Variants in SCN8A observed in about 807,000 individuals in gnomAD.
SCN8A encodes the protein sodium channel protein type 8 subunit alpha.
SCN8A carries 30 observed loss-of-function variants against 184.1 expected under a neutral mutation model. That is an observed-to-expected ratio of 0.16 (90% confidence interval 0.12 to 0.22). The LOEUF is 0.22. SCN8A is among the 10% of genes least tolerant of loss of function. The probability of loss-of-function intolerance (pLI) is 1.00; values close to 1 mark genes in which losing one functional copy is unlikely to be tolerated. For missense variants in SCN8A, 1,057 were observed against 2,498.9 expected, an observed-to-expected ratio of 0.42 and a Z score of 12.30; for synonymous variants, 852 against 907.0, an observed-to-expected ratio of 0.94 and a Z score of 1.09.
At chr12:51,669,009 G>T (rs937304255) in intron 2 of SCN8A, among the ~76,000 whole-genome samples, 1 of 152,082 alleles carries the variant, frequency 6.6e-6, no homozygotes, top group African/African-American at 2.4e-5. Flanking sequence ...TTGCTCCCAG[G>T]CTACACACCT....
intron 23 of SCN8A, 46 bp from the exon 24 acceptor site, chr12:51,789,235 C>G (rs375980194): frequency 6.2e-6 from 10 of 1,609,180 alleles, no homozygotes; most frequent in East Asian, 2.2e-5. Flanking sequence ...GTGTCAAACT[C>G]CAAACTAGGA....
chr12:51,609,071 G>A (rs1409973799), intron 1 of SCN8A, among the ~76,000 whole-genome samples: 2 of 152,138 alleles, frequency 1.3e-5, no homozygotes, highest in Non-Finnish European at 2.9e-5. Context: ...TTGATTTCTA[G>A]TTTTATTCCA....
At chr12:51,621,822 C>T (rs976953799) in intron 1 of SCN8A, among the ~76,000 whole-genome samples, 4 of 152,180 alleles carry the variant, frequency 2.6e-5, no homozygotes, top group Non-Finnish European at 5.9e-5. Flanking sequence ...CCCAGTTTAT[C>T]TCATCCGGAG....
intron 2 of SCN8A, among the ~76,000 whole-genome samples, chr12:51,681,789 T>G (rs902668109): frequency 1.3e-5 from 2 of 152,148 alleles, no homozygotes; most frequent in Non-Finnish European, 2.9e-5. Flanking sequence ...TCTGGTAGAT[T>G]AGGAAAGGAA....
At chr12:51,788,365 C>G (rs1438595887) in intron 22 of SCN8A, among the ~76,000 whole-genome samples, 1 of 144,466 alleles carries the variant, frequency 6.9e-6, no homozygotes, top group Non-Finnish European at 1.5e-5. Flanking sequence ...AAGTTCCAAG[C>G]ATTTTCAGTA....
chr12:51,620,108 T>C (rs1311932704), intron 1 of SCN8A, among the ~76,000 whole-genome samples: 3 of 152,186 alleles, frequency 2.0e-5, no homozygotes, highest in Non-Finnish European at 4.4e-5. Context: ...CAAAGAGTTG[T>C]CATTTAGGGT....
chr12:51,721,477 C>T, intron 11 of SCN8A, 69 bp from the exon 12 acceptor site: 1 of 1,462,410 alleles, frequency 6.8e-7, no homozygotes, highest in Non-Finnish European at 9.1e-7. Context: ...AACCACTTTG[C>T]TCAGTATAAA....
chr12:51,641,481 G>A (rs1009145140), intron 1 of SCN8A, among the ~76,000 whole-genome samples: 9 of 152,218 alleles, frequency 5.9e-5, no homozygotes, highest in African/African-American at 1.9e-4. Flanking sequence ...CTAAGTCCTA[G>A]CTCTGCTACT....
chr12:51,763,375 G>A (rs1434959667), intron 15 of SCN8A, among the ~76,000 whole-genome samples: 1 of 152,150 alleles, frequency 6.6e-6, no homozygotes, highest in South Asian at 2.1e-4. Flanking sequence ...CCAACTGTAG[G>A]CGAATGTAAG....
intron 9 of SCN8A, among the ~76,000 whole-genome samples, chr12:51,703,937 G>T (rs950765246): frequency 6.6e-6 from 1 of 151,186 alleles, no homozygotes; most frequent in Non-Finnish European, 1.5e-5. Flanking sequence ...ACAGAGTCTC[G>T]CTCTGTCGCC....
At chr12:51,655,420 C>T (rs1940803194) in intron 1 of SCN8A, among the ~76,000 whole-genome samples, 1 of 150,932 alleles carries the variant, frequency 6.6e-6, no homozygotes, top group South Asian at 2.1e-4. Context: ...AGAGTTGTGT[C>T]ACCCAGGCTG....
chr12:51,722,060 C>A (rs1592406643), intron 12 of SCN8A, 152 bp downstream of exon 12: 5 of 1,215,840 alleles, frequency 4.1e-6, no homozygotes, highest in East Asian at 2.4e-5. Flanking sequence ...CCTGTTAACA[C>A]CCCAGCCATT....
In SCN8A at chr12:51,684,224, G is replaced by A. The variant is rs766693813; in HGVS notation, c.327G>A (p.Thr109=). The A allele has an allele frequency of 1.2e-5, 20 of 1,608,888 alleles. No individual in the cohort carries two copies. The highest frequency in any genetic ancestry group is 2.7e-5 in the African/African-American group (2 of 74,762). Residue 109 remains threonine (T), a synonymous_variant, in exon 3 of 27, where the codon ACG becomes ACA. Coordinates refer to ENST00000627620, the MANE Select transcript of SCN8A (RefSeq NM_001330260.2). ...RGKTLFRFSA[T]PALYILSPFN... is the part of the protein sequence containing the mutation. ...AAACTCTCTTCAGATTTAGTGCCAC[G>A]CCTGCCTTGTACATTTTAAGTCCTT...
chr12:51,747,611 G>T (rs1389132391), intron 13 of SCN8A, among the ~76,000 whole-genome samples: 1 of 152,108 alleles, frequency 6.6e-6, no homozygotes, highest in African/African-American at 2.4e-5. Context: ...TACTGCATTG[G>T]CTTAGCACAG....
intron 19 of SCN8A, among the ~76,000 whole-genome samples, chr12:51,772,483 G>A (rs548025671): frequency 6.6e-6 from 1 of 152,072 alleles, no homozygotes; most frequent in Non-Finnish European, 1.5e-5. Flanking sequence ...TAAAGAGGGT[G>A]GGGATTAGGG....
At chr12:51,647,468 A>G (rs1282128923) in intron 1 of SCN8A, among the ~76,000 whole-genome samples, 1 of 152,162 alleles carries the variant, frequency 6.6e-6, no homozygotes, top group Admixed American at 6.5e-5. Context: ...AAGACTTCAG[A>G]AGTGGCCTCA....
chr12:51,601,880 T>G (rs1003666535), intron 1 of SCN8A, among the ~76,000 whole-genome samples: 3 of 139,854 alleles, frequency 2.1e-5, no homozygotes, highest in African/African-American at 5.4e-5. Flanking sequence ...TTTTTTTTTT[T>G]AAGAGCAATG....
At chr12:51,791,373 A>G (rs1241790206) in intron 25 of SCN8A, among the ~76,000 whole-genome samples, 2 of 152,212 alleles carry the variant, frequency 1.3e-5, no homozygotes, top group African/African-American at 2.4e-5. Flanking sequence ...TACCGCATCA[A>G]CTTTTGAAGG....
rs1941905091 is a variant in SCN8A at position 51,712,936 on chromosome 12, A to G, written c.1635+6221A>G. Reference sequence around the variant, plus strand: ...ACCTCCAAAGCTTCCTCCGCAACCCATAAAATTGCCAGATCCACCTCCACG... The same window carrying G: ...ACCTCCAAAGCTTCCTCCGCAACCCGTAAAATTGCCAGATCCACCTCCACG... On this transcript the variant is annotated intron_variant, in intron 11 of 26. Transcript: ENST00000627620. 11 of 1,593,302 alleles carry G rather than the reference A, an allele frequency of 6.9e-6. No individual in the cohort carries two copies. The Admixed American group carries it at 1.0e-4, about 14-fold the overall frequency.
Sources: allele counts gnomAD v4.1 joint callset (sites outside exome capture counted in the v4.1 genomes callset), GRCh38; gene constraint gnomAD v4.1.1; transcripts MANE v1.5; gene names NCBI Gene and HGNC (gene_info 2026-07-23, HGNC 2026-07-21).